The following GLRA3 variants were observed in gnomAD, a reference collection of about 807,000 sequenced individuals.
GLRA3 encodes glycine receptor subunit alpha-3.
GLRA3 carries 44 observed loss-of-function variants against 60.4 expected under a neutral mutation model. The observed-to-expected ratio is 0.73, with a 90% confidence interval of 0.57 to 0.94. The LOEUF is 0.94. GLRA3 is among the 40% of genes least tolerant of loss of function. The pLI, the probability that GLRA3 is intolerant of heterozygous loss-of-function variation, is 0.00. For missense variants in GLRA3, 508 were observed against 564.6 expected (o/e 0.90, Z 1.02); for synonymous variants, 223 against 192.9 (o/e 1.16, Z -1.29).
In GLRA3 at chr4:174,726,655, G is replaced by A. The variant is rs549735753; in HGVS notation, c.491+1820C>T. 3.3e-5 allele frequency among the ~76,000 whole-genome samples: 5 copies of A among 152,252 alleles called. No individual in the cohort carries two copies. In the South Asian group the frequency reaches 8.3e-4, roughly 25 times the overall value. ...GAAAATTCTGGGAATTCACCTCCAC[G>A]TTGTTCCTCAGGTTCCAAGGTACAC... On this transcript the variant is annotated intron_variant, in intron 4 of 9. Transcript: ENST00000274093.
At chr4:174,764,691 G>T (rs1738071242) in intron 3 of GLRA3, among the ~76,000 whole-genome samples, 1 of 151,964 alleles carries the variant, frequency 6.6e-6, no homozygotes, top group African/African-American at 2.4e-5. Context: ...ATAAAGTTTT[G>T]TTGTAGAGTC....
chr4:174,718,959 CTTT>C (rs10656765), intron 4 of GLRA3, among the ~76,000 whole-genome samples: 4 of 81,080 alleles, frequency 4.9e-5, no homozygotes, highest in Admixed American at 3.6e-4. Context: ...AGATTTCGTG[CTTT>C]TTTTTTTTTT....
chr4:174,739,366 T>C (rs960990581), intron 3 of GLRA3, among the ~76,000 whole-genome samples: 3 of 152,210 alleles, frequency 2.0e-5, no homozygotes, highest in African/African-American at 7.2e-5. Context: ...ATGCAACTAA[T>C]GAACTGTTGC....
intron 3 of GLRA3, among the ~76,000 whole-genome samples, chr4:174,764,633 T>C (rs1367732193): frequency 6.6e-6 from 1 of 151,462 alleles, no homozygotes; most frequent in Non-Finnish European, 1.5e-5. Context: ...TTAACACATA[T>C]ATTAGCATTT....
At chr4:174,651,347 T>C (rs7686653) in intron 9 of GLRA3, among the ~76,000 whole-genome samples, 78,157 of 151,982 alleles carry the variant, frequency 0.51, 21,634 homozygotes, top group African/African-American at 0.73. Flanking sequence ...CTACTTAACT[T>C]TATGATTATT....
Position 174,637,215 on chromosome 4 carries a change from A to G in GLRA3, c.*6571T>C, listed in dbSNP as rs749209018. 3.9e-5 allele frequency: 6 copies of G among 152,172 alleles called. No individual in the cohort carries two copies. Among genetic ancestry groups the G allele is most frequent in the Non-Finnish European group, 7.4e-5 (5 of 68,024 alleles). 9.4% of individuals were successfully genotyped at this position (152,172 alleles called of 1,614,324 possible). A position where few individuals can be genotyped will look rare whatever the true frequency, so the allele number is the denominator to read the frequency against. On this transcript the variant is annotated 3_prime_UTR_variant, in exon 10 of 10. Transcript: ENST00000274093. ...ACACCATAAAAACCATAAAATAGCA[A>G]TACTTCTTTTGGTAGTCCTTTAAAC...
chr4:174,747,122 T>C (rs1737287961), intron 3 of GLRA3, among the ~76,000 whole-genome samples: 1 of 152,216 alleles, frequency 6.6e-6, no homozygotes, highest in Non-Finnish European at 1.5e-5. Flanking sequence ...TCTGCCTTTG[T>C]GGCTCTTTCC....
At chr4:174,666,899 C>T (rs549633456) in intron 7 of GLRA3, among the ~76,000 whole-genome samples, 2 of 151,728 alleles carry the variant, frequency 1.3e-5, no homozygotes, top group Admixed American at 6.6e-5. Flanking sequence ...TCCGTATCTA[C>T]CCCTCCAGTG....
chr4:174,680,511 G>C (rs913713278), intron 6 of GLRA3, among the ~76,000 whole-genome samples: 1 of 152,150 alleles, frequency 6.6e-6, no homozygotes, highest in Non-Finnish European at 1.5e-5. Context: ...TGAAGAAAGT[G>C]GGAGTATTAG....
In GLRA3 at chr4:174,659,041, T is replaced by A. The variant is rs767435123; in HGVS notation, c.1071+13A>T. ...ACTGGATTCTGCCAAACCCAATACG[T>A]TTAATCACTTACCTTATTCTTTCTC... On this transcript the variant is annotated intron_variant, in intron 8 of 9. Transcript: ENST00000274093. The A allele has an allele frequency of 3.7e-6, 6 of 1,608,906 alleles. No individual in the cohort carries two copies. The South Asian group carries it at 5.5e-5, about 15-fold the overall frequency.
At chr4:174,711,034 T>C (rs1418414796) in intron 5 of GLRA3, among the ~76,000 whole-genome samples, 1 of 152,084 alleles carries the variant, frequency 6.6e-6, no homozygotes, top group African/African-American at 2.4e-5. Context: ...TTTAATCAAA[T>C]AGTCATTTAG....
intron 5 of GLRA3, among the ~76,000 whole-genome samples, chr4:174,684,333 AC>A: frequency 6.6e-6 from 1 of 152,332 alleles, no homozygotes; most frequent in Non-Finnish European, 1.5e-5. Context: ...GAAAAGTACT[AC>A]CACATAATGC....
chr4:174,772,638 T>C (rs1422377365), intron 2 of GLRA3, among the ~76,000 whole-genome samples: 1 of 152,022 alleles, frequency 6.6e-6, no homozygotes, highest in African/African-American at 2.4e-5. Flanking sequence ...TAAAAAACAG[T>C]TTGGAAATAA....
intron 1 of GLRA3, among the ~76,000 whole-genome samples, chr4:174,814,060 A>T (rs906738146): frequency 6.6e-6 from 1 of 152,030 alleles, no homozygotes; most frequent in Admixed American, 6.6e-5. Flanking sequence ...AGCAGCATCA[A>T]GGGGGGGTAT....
intron 9 of GLRA3, among the ~76,000 whole-genome samples, chr4:174,644,572 G>A (rs1005385987): frequency 2.0e-5 from 3 of 151,966 alleles, no homozygotes; most frequent in Non-Finnish European, 2.9e-5. Flanking sequence ...CAATAATACT[G>A]TTTGGTTTAT....
rs543095013 is a variant in GLRA3, at chr4:174,811,762, T to G, written c.71+16979A>C. 1.4e-4 allele frequency among the ~76,000 whole-genome samples: 21 copies of G among 152,344 alleles called. No homozygotes were observed. The East Asian group carries it at 4.0e-3, about 29-fold the overall frequency. On this transcript the variant is annotated intron_variant, in intron 1 of 9. Coordinates refer to ENST00000274093, the MANE Select transcript of GLRA3 (RefSeq NM_006529.4). ...TTCTATAGTCCTCTAGAACTCAGTT[T>G]GATAACGGGTGGATCATTTGAAACT... is the stretch of plus-strand genomic sequence containing the variant.
chr4:174,765,445 T>C (rs1341818455), intron 3 of GLRA3, among the ~76,000 whole-genome samples: 1 of 152,040 alleles, frequency 6.6e-6, no homozygotes, highest in East Asian at 1.9e-4. Context: ...GACGCAATCA[T>C]GTAAAAGAAA....
At chr4:174,656,326 T>C (rs1733203909) in intron 9 of GLRA3, among the ~76,000 whole-genome samples, 1 of 152,170 alleles carries the variant, frequency 6.6e-6, no homozygotes, top group Admixed American at 6.6e-5. Context: ...TGTTGCCTTA[T>C]TTTGAGGTCT....
rs367659529 is a variant in GLRA3, at chr4:174,665,618, T to G, written c.928-6421A>C. On this transcript the variant is annotated intron_variant, in intron 7 of 9. Coordinates refer to ENST00000274093, the MANE Select transcript of GLRA3 (RefSeq NM_006529.4). ...AGATGAGATGTCTATCCTAATATGT[T>G]AACAAAATATGTATTGATAGCAAAT... 4.6e-5 allele frequency among the ~76,000 whole-genome samples: 7 copies of G among 152,278 alleles called. No individual in the cohort carries two copies. The South Asian group carries it at 8.3e-4, about 18-fold the overall frequency.
Sources: allele counts gnomAD v4.1 joint callset (sites outside exome capture counted in the v4.1 genomes callset), GRCh38; gene constraint gnomAD v4.1.1; transcripts MANE v1.5; gene names NCBI Gene and HGNC (gene_info 2026-07-23, HGNC 2026-07-21).